Variants in IL2RA observed in about 807,000 individuals in gnomAD.
The protein encoded by IL2RA is interleukin 2 receptor subunit alpha, also known as interleukin-2 receptor subunit alpha.
In IL2RA, 24 loss-of-function variants were observed where a neutral mutation model predicts 37.8. The ratio of observed to expected loss-of-function variants is 0.63; its 90% CI spans 0.46 to 0.89. The LOEUF is 0.89. Ranked by LOEUF, IL2RA falls within the 40% of genes least tolerant of loss-of-function variation. IL2RA has a pLI of 0.00. For missense variants in IL2RA, 319 were observed against 348.6 expected, an observed-to-expected ratio of 0.92 and a Z score of 0.68; for synonymous variants, 125 against 114.6, an observed-to-expected ratio of 1.09 and a Z score of -0.58.
At chr10:6,027,828 A>G (rs1464202449) in intron 1 of IL2RA, among the ~76,000 whole-genome samples, 1 of 152,152 alleles carries the variant, frequency 6.6e-6, no homozygotes. Flanking sequence ...TATCACTGGT[A>G]CCATTTGTTG....
At position 6,057,387 on chromosome 10, in the gene IL2RA, C is replaced by T. The variant is rs1385302355; in HGVS notation, c.64+4701G>A. ...ATACACAAAAGTCGCTCAACCCTGA[C>T]CGTGCCAGTATGTCTTCATTTGGGA... On this transcript the variant is annotated intron_variant, in intron 1 of 7. Transcript: ENST00000379959. This position sits in a 1 kb window ranked among gnomAD's most constrained non-coding sequence, Gnocchi z 4.8. Among the ~76,000 whole-genome samples, 2 of 152,174 alleles carry T rather than the reference C, an allele frequency of 1.3e-5. No individual in the cohort carries two copies. The highest frequency in any genetic ancestry group is 2.9e-5 in the Non-Finnish European group (2 of 68,034).
chr10:6,054,304 A>T lies in IL2RA; in HGVS notation c.64+7784T>A, dbSNP rs1840009428. ...ACGTGGCTCGGGCTGGGTCAGGAAA[A>T]AAATGTGGAGGTAGGGAAACAAGAC... is the stretch of plus-strand genomic sequence containing the variant. On this transcript the variant is annotated intron_variant, in intron 1 of 7. Coordinates refer to ENST00000379959, the MANE Select transcript of IL2RA (RefSeq NM_000417.3). This position sits in a 1 kb window ranked among gnomAD's most constrained non-coding sequence, Gnocchi z 4.5. Among the ~76,000 whole-genome samples, 1 of 152,124 alleles carries T rather than the reference A, an allele frequency of 6.6e-6. No homozygotes were observed. Among genetic ancestry groups the T allele is most frequent in the Non-Finnish European group, 1.5e-5 (1 of 68,030 alleles).
Position 6,012,736 on chromosome 10 carries a change from A to C in IL2RA, c.*136T>G. Reference sequence around the variant, plus strand: ...GCCCCGTGTCCTGTGATGTGACTTCAGAGCTTCCAAAACGCAGGCAAGCAC... The same window carrying C: ...GCCCCGTGTCCTGTGATGTGACTTCCGAGCTTCCAAAACGCAGGCAAGCAC... On this transcript the variant is annotated 3_prime_UTR_variant, in exon 8 of 8. Transcript: ENST00000379959. This position sits in a 1 kb window ranked among gnomAD's most constrained non-coding sequence, Gnocchi z 4.8. 1 of 894,186 alleles carries C rather than the reference A, an allele frequency of 1.1e-6. No homozygotes were observed. Among genetic ancestry groups the C allele is most frequent in the Non-Finnish European group, 1.9e-6 (1 of 532,732 alleles). 55.4% of individuals were successfully genotyped at this position (894,186 alleles called of 1,614,324 possible). A position where few individuals can be genotyped will look rare whatever the true frequency, so the allele number is the denominator to read the frequency against.
chr10:6,047,125 C>T lies in IL2RA; in HGVS notation c.64+14963G>A, dbSNP rs972267963. ...GCATTGTCCAAGGACCCTCAAATCC[C>T]TGCATGCCCTGCGCATGCCCTAACC... On this transcript the variant is annotated intron_variant, in intron 1 of 7. Coordinates refer to ENST00000379959, the MANE Select transcript of IL2RA (RefSeq NM_000417.3). The surrounding 1 kb of genome is among the most constrained non-coding windows in gnomAD (Gnocchi z 5.0). 1.3e-5 allele frequency among the ~76,000 whole-genome samples: 2 copies of T among 152,234 alleles called. No homozygotes were observed. The highest frequency in any genetic ancestry group is 4.8e-5 in the African/African-American group (2 of 41,474).
chr10:6,039,770 C>T (rs910120656), intron 1 of IL2RA: 14 of 152,186 alleles, frequency 9.2e-5, no homozygotes, highest in African/African-American at 3.4e-4. Context: ...AAGAATTCCT[C>T]CCAATCATGT....
chr10:6,041,961 A>G (rs974299575), intron 1 of IL2RA, among the ~76,000 whole-genome samples: 2 of 152,038 alleles, frequency 1.3e-5, no homozygotes, highest in African/African-American at 4.8e-5. Flanking sequence ...CAATAACATA[A>G]GAGAAACTAG....
At position 6,057,585 on chromosome 10, in the gene IL2RA, C is replaced by T. The variant is rs536001033; in HGVS notation, c.64+4503G>A. On this transcript the variant is annotated intron_variant, in intron 1 of 7. Coordinates refer to ENST00000379959, the MANE Select transcript of IL2RA (RefSeq NM_000417.3). The surrounding 1 kb of genome is among the most constrained non-coding windows in gnomAD (Gnocchi z 4.8). ...ATCTGTCAAAAACTCACGCCCTCCC[C>T]GTGTCCTCTCCTCAGTGCTTTGGCC... Among the ~76,000 whole-genome samples the T allele has an allele frequency of 9.8e-5, 15 of 152,290 alleles. No homozygotes were observed. Among genetic ancestry groups the T allele is most frequent in the African/African-American group, 3.1e-4 (13 of 41,552 alleles).
rs28360481 is a variant in IL2RA at position 6,038,230 on chromosome 10, G to A, written c.65-12205C>T. Among the ~76,000 whole-genome samples the A allele has an allele frequency of 4.9e-3, 743 of 152,304 alleles. 4 individuals carry two copies. The highest frequency in any genetic ancestry group is 8.2e-3 in the Non-Finnish European group (555 of 68,028). On this transcript the variant is annotated intron_variant, in intron 1 of 7. Transcript: ENST00000379959. ...AGAATCATAATCTTCAGGAAGGAGC[G>A]TGCTTTTCACCTATCTGTTGAAGGT...
rs1415732676 is a variant in IL2RA at position 6,033,169 on chromosome 10, G to A, written c.65-7144C>T. On this transcript the variant is annotated intron_variant, in intron 1 of 7. Coordinates refer to ENST00000379959, the MANE Select transcript of IL2RA (RefSeq NM_000417.3). The surrounding 1 kb of genome is among the most constrained non-coding windows in gnomAD (Gnocchi z 4.3). ...AGACAGGTGGATCATTTTAAGTCAG[G>A]AGTTTGAGACCAGCCCGGTCAACAT... Among the ~76,000 whole-genome samples, 1 of 152,032 alleles carries A rather than the reference G, an allele frequency of 6.6e-6. No homozygotes were observed. Among genetic ancestry groups the A allele is most frequent in the Non-Finnish European group, 1.5e-5 (1 of 67,990 alleles).
rs1724693393 is a variant in IL2RA, at chr10:6,047,938, G to C, written c.64+14150C>G. On this transcript the variant is annotated intron_variant, in intron 1 of 7. Transcript: ENST00000379959. The surrounding 1 kb of genome is among the most constrained non-coding windows in gnomAD (Gnocchi z 5.0). ...GTTCTTCTCATCTCCGTTCTCTAGA[G>C]GCAGGAACTAAGGCACAGAGAGGCC... Among the ~76,000 whole-genome samples the C allele has an allele frequency of 6.6e-6, 1 of 152,172 alleles. No individual in the cohort carries two copies. The highest frequency in any genetic ancestry group is 1.5e-5 in the Non-Finnish European group (1 of 68,020).
Position 6,046,499 on chromosome 10 carries a change from C to G in IL2RA, c.64+15589G>C, listed in dbSNP as rs939053604. Among the ~76,000 whole-genome samples the G allele has an allele frequency of 6.6e-6, 1 of 152,154 alleles. No individual in the cohort carries two copies. Among genetic ancestry groups the G allele is most frequent in the African/African-American group, 2.4e-5 (1 of 41,424 alleles). On this transcript the variant is annotated intron_variant, in intron 1 of 7. Coordinates refer to ENST00000379959, the MANE Select transcript of IL2RA (RefSeq NM_000417.3). The surrounding 1 kb of genome is among the most constrained non-coding windows in gnomAD (Gnocchi z 4.8). ...TGGACAGCATAGAGCAGAGAGCTTA[C>G]GGTTGTAGGTTACGTGGTACCAAAA...
At position 6,056,027 on chromosome 10, in the gene IL2RA, G is replaced by A. The variant is rs565238212; in HGVS notation, c.64+6061C>T. 7.9e-5 allele frequency among the ~76,000 whole-genome samples: 12 copies of A among 152,278 alleles called. 1 individual carries two copies. In the South Asian group the frequency reaches 2.1e-3, roughly 26 times the overall value. On this transcript the variant is annotated intron_variant, in intron 1 of 7. Coordinates refer to ENST00000379959, the MANE Select transcript of IL2RA (RefSeq NM_000417.3). The surrounding 1 kb of genome is among the most constrained non-coding windows in gnomAD (Gnocchi z 5.0). ...TTTCTTTTTGACAGAAGCAAACCAC[G>A]GAGTCGCCTTGAGATCAGTCAAAAC...
chr10:6,039,898 G>A (rs1839745180), intron 1 of IL2RA, among the ~76,000 whole-genome samples: 2 of 152,204 alleles, frequency 1.3e-5, no homozygotes, highest in South Asian at 4.1e-4. Flanking sequence ...CATGAGCCAG[G>A]CAACAGAATG....
At chr10:6,042,192 C>G (rs906828358) in intron 1 of IL2RA, among the ~76,000 whole-genome samples, 1 of 121,326 alleles carries the variant, frequency 8.2e-6, no homozygotes, top group Non-Finnish European at 1.6e-5. Context: ...GAGTTTATCC[C>G]AGCAATAGTG....
At position 6,035,365 on chromosome 10, in the gene IL2RA, C is replaced by T. The variant is rs12722527; in HGVS notation, c.65-9340G>A. 0.12 allele frequency among the ~76,000 whole-genome samples: 18,908 copies of T among 152,146 alleles called. 1,300 individuals are homozygous for T. The highest frequency in any genetic ancestry group is 0.16 in the Non-Finnish European group (10,592 of 67,960). On this transcript the variant is annotated intron_variant, in intron 1 of 7. Coordinates refer to ENST00000379959, the MANE Select transcript of IL2RA (RefSeq NM_000417.3). The surrounding 1 kb of genome is among the most constrained non-coding windows in gnomAD (Gnocchi z 5.4). ...CTCTGAGTGGGTGACTGGCGCCAGG[C>T]CAAGTTCTAGGTGGGCTTCCCAAAG...
intron 7 of IL2RA, among the ~76,000 whole-genome samples, chr10:6,016,061 A>AT (rs945819453): frequency 6.6e-6 from 1 of 152,196 alleles, no homozygotes; most frequent in Non-Finnish European, 1.5e-5. Flanking sequence ...GTTTGAATAC[A>AT]TCCCCCAGAG....
intron 1 of IL2RA, among the ~76,000 whole-genome samples, chr10:6,032,426 C>T (rs536028471): frequency 6.6e-6 from 1 of 152,216 alleles, no homozygotes; most frequent in East Asian, 1.9e-4. Flanking sequence ...GGTGTGGTGG[C>T]TCACGCCTGT....
At chr10:6,038,084 C>G (rs1839718908) in intron 1 of IL2RA, among the ~76,000 whole-genome samples, 1 of 152,184 alleles carries the variant, frequency 6.6e-6, no homozygotes, top group South Asian at 2.1e-4. Flanking sequence ...TTTAGGCCAA[C>G]CTCTACATTT....
In IL2RA at chr10:6,015,106, T is replaced by G. The variant is rs1200880532; in HGVS notation, c.795-2210A>C. On this transcript the variant is annotated intron_variant, in intron 7 of 7. Coordinates refer to ENST00000379959, the MANE Select transcript of IL2RA (RefSeq NM_000417.3). The surrounding 1 kb of genome is among the most constrained non-coding windows in gnomAD (Gnocchi z 4.9). ...TTTTCTTTTTTCTTTCTTTCTTTTT[T>G]TTTTTAAACAGAGTCTTGCTGTGTC... Among the ~76,000 whole-genome samples, 1 of 151,926 alleles carries G rather than the reference T, an allele frequency of 6.6e-6. No individual in the cohort carries two copies. The highest frequency in any genetic ancestry group is 1.5e-5 in the Non-Finnish European group (1 of 67,972).
Sources: allele counts gnomAD v4.1 joint callset (sites outside exome capture counted in the v4.1 genomes callset), GRCh38; gene constraint gnomAD v4.1.1; non-coding constraint Gnocchi (gnomAD v3.1); transcripts MANE v1.5; gene names NCBI Gene and HGNC (gene_info 2026-07-23, HGNC 2026-07-21).